The following CD109 variants were observed in gnomAD, a reference collection of about 807,000 sequenced individuals.
CD109 encodes CD109 molecule.
CD109 carries 149 observed loss-of-function variants against 165.8 expected under a neutral mutation model. The ratio of observed to expected loss-of-function variants is 0.90; its 90% CI spans 0.79 to 1.03. CD109 has a LOEUF of 1.03. Ranked by LOEUF, CD109 falls within the 50% of genes least tolerant of loss-of-function variation. The pLI is 0.00. For synonymous variants in CD109, 585 were observed against 592.1 expected (o/e 0.99, Z 0.18); for missense variants, 1,712 against 1,677.8 (o/e 1.02, Z -0.36).
chr6:73,792,491 C>T, intron 22 of CD109, 135 bp from the exon 23 acceptor site: 1 of 779,978 alleles, frequency 1.3e-6, no homozygotes, highest in East Asian at 2.5e-5. Flanking sequence ...AAAGTTCCAA[C>T]TCTGTTCCAA....
At chr6:73,786,830 A>G (rs765138427) in intron 20 of CD109, among the ~76,000 whole-genome samples, 2 of 152,204 alleles carry the variant, frequency 1.3e-5, no homozygotes, top group African/African-American at 4.8e-5. Context: ...ATTCAATAAC[A>G]TTTCATGCTG....
intron 2 of CD109, among the ~76,000 whole-genome samples, chr6:73,699,033 C>A (rs990618855): frequency 5.3e-5 from 8 of 152,140 alleles, no homozygotes; most frequent in African/African-American, 1.9e-4. Flanking sequence ...GAAGAGGATG[C>A]AGAAAGTCCA....
intron 24 of CD109, among the ~76,000 whole-genome samples, chr6:73,806,111 C>T (rs1562080768): frequency 1.3e-5 from 2 of 152,224 alleles, no homozygotes; most frequent in Admixed American, 1.3e-4. Context: ...TGGAACCAGC[C>T]CAAATGTCCA....
Position 73,781,248 on chromosome 6 carries a change from A to G in CD109, c.1903-11A>G. On this transcript the variant is annotated splice_polypyrimidine_tract_variant and intron_variant, in intron 16 of 32. Coordinates refer to ENST00000287097, the MANE Select transcript of CD109 (RefSeq NM_133493.5). ...TGTGTTTTAAAAGAAAATAAAAATT[A>G]TTCTTTTTAGGAATGTGGACTCTGG... 4 of 1,603,058 alleles carry G rather than the reference A, an allele frequency of 2.5e-6. No individual in the cohort carries two copies. The South Asian group carries it at 4.4e-5, about 18-fold the overall frequency.
At position 73,812,054 on chromosome 6, in the gene CD109, T is replaced by C. The variant is rs1409223272; in HGVS notation, c.3703-151T>C. 3 of 500,878 alleles carry C rather than the reference T, an allele frequency of 6.0e-6. No homozygotes were observed. The Admixed American group carries it at 1.1e-4, about 18-fold the overall frequency. 31.0% of individuals were successfully genotyped at this position (500,878 alleles called of 1,614,324 possible). On this transcript the variant is annotated intron_variant, in intron 28 of 32. Coordinates refer to ENST00000287097, the MANE Select transcript of CD109 (RefSeq NM_133493.5). ...TCACCTTGCTTACCTATTTGACCCA[T>C]AGCTTTTGATATGTGAGACAGTGCA...
At chr6:73,748,390 G>A (rs1773061353) in intron 5 of CD109, among the ~76,000 whole-genome samples, 1 of 152,124 alleles carries the variant, frequency 6.6e-6, no homozygotes, top group Admixed American at 6.6e-5. Flanking sequence ...CCTACACAGG[G>A]TCTTACCTGA....
At chr6:73,771,941 A>G (rs1415340476) in intron 15 of CD109, among the ~76,000 whole-genome samples, 4 of 152,206 alleles carry the variant, frequency 2.6e-5, no homozygotes, top group Non-Finnish European at 5.9e-5. Flanking sequence ...AAAAATGATC[A>G]GTATGTAGTA....
rs1265559016 is a variant in CD109, at chr6:73,826,502, A to G, written c.*2869A>G. ...AACCTAGTAGCCAAACAATTCTAGG[A>G]CAGAATAACATTTTTATATTTGGTT... On this transcript the variant is annotated 3_prime_UTR_variant, in exon 33 of 33. Transcript: ENST00000287097. The G allele has an allele frequency of 6.6e-6, 1 of 152,216 alleles. No individual in the cohort carries two copies. The highest frequency in any genetic ancestry group is 2.4e-5 in the African/African-American group (1 of 41,456). The allele number at this position is 152,216 out of a possible 1,614,324, so 9.4% of individuals were successfully genotyped here.
intron 30 of CD109, among the ~76,000 whole-genome samples, chr6:73,816,080 C>T (rs1775925243): frequency 6.6e-6 from 1 of 152,152 alleles, no homozygotes; most frequent in African/African-American, 2.4e-5. Context: ...ACAGCTATTG[C>T]CTGGACCCAG....
chr6:73,760,092 C>T (rs980277839), intron 7 of CD109, among the ~76,000 whole-genome samples: 2 of 152,010 alleles, frequency 1.3e-5, no homozygotes, highest in Non-Finnish European at 2.9e-5. Flanking sequence ...GAGATAGAAG[C>T]AACCCAGGAA....
chr6:73,736,601 G>GA (rs1772555600), intron 5 of CD109, 93 bp downstream of exon 5: 1 of 1,079,980 alleles, frequency 9.3e-7, no homozygotes, highest in Non-Finnish European at 1.3e-6. Flanking sequence ...ACAATGAAGA[G>GA]AAAAAAATTA....
rs1281269761 is a variant in CD109 at position 73,696,352 on chromosome 6, G to T, written c.74+63G>T. On this transcript the variant is annotated intron_variant, in intron 1 of 32. Transcript: ENST00000287097. The stretch of plus-strand genomic sequence containing the variant: ...GGGCCTGGGCCGCTCTGCGGCTCTG[G>T]GCCAGGGCTTCGGGGAGGTGGCGGC... 4.6e-6 allele frequency: 6 copies of T among 1,309,224 alleles called. No homozygotes were observed. The South Asian group carries it at 9.2e-5, about 20-fold the overall frequency. The allele number at this position is 1,309,224 out of a possible 1,614,324, so 81.1% of individuals were successfully genotyped here.
intron 5 of CD109, among the ~76,000 whole-genome samples, chr6:73,737,244 G>T (rs1237428202): frequency 6.6e-6 from 1 of 152,174 alleles, no homozygotes; most frequent in Admixed American, 6.5e-5. Context: ...ATCTAAAGGG[G>T]AAGATATGTA....
Position 73,697,439 on chromosome 6 carries a change from C to CG in CD109, c.116dup (p.Gly40ArgfsTer42). 1 of 1,614,072 alleles carries CG rather than the reference C, an allele frequency of 6.2e-7. No individual in the cohort carries two copies. The highest frequency in any genetic ancestry group is 8.5e-7 in the Non-Finnish European group (1 of 1,180,026). Reference sequence around the variant, plus strand: ...TGACAGCCCCAGGGATCATCAGGCCCGGAGGAAATGTGACTATTGGGGTGG... The same window carrying CG: ...TGACAGCCCCAGGGATCATCAGGCCCGGGAGGAAATGTGACTATTGGGGTGG... On this transcript the variant is annotated frameshift_variant, in exon 2 of 33. Transcript: ENST00000287097. LOFTEE classifies it high-confidence loss of function.
chr6:73,773,595 C>G (rs1774127271), intron 15 of CD109, among the ~76,000 whole-genome samples: 1 of 152,118 alleles, frequency 6.6e-6, no homozygotes, highest in Non-Finnish European at 1.5e-5. Flanking sequence ...TAGTTACAAA[C>G]TGTACCCATA....
chr6:73,762,517 A>T, intron 8 of CD109, 37 bp downstream of exon 8: 1 of 1,297,376 alleles, frequency 7.7e-7, no homozygotes, highest in Non-Finnish European at 1.1e-6. Context: ...TGTGATGGGT[A>T]AAATATGTGT....
At chr6:73,712,131 C>T (rs1022422269) in intron 2 of CD109, among the ~76,000 whole-genome samples, 1 of 152,144 alleles carries the variant, frequency 6.6e-6, no homozygotes, top group African/African-American at 2.4e-5. Context: ...ATTGCTTGAA[C>T]CTGGAAAGCG....
At chr6:73,812,566 T>C (rs1366385158) in intron 29 of CD109, among the ~76,000 whole-genome samples, 1 of 152,110 alleles carries the variant, frequency 6.6e-6, no homozygotes, top group African/African-American at 2.4e-5. Context: ...AAATACATGT[T>C]TTACTTATAA....
In CD109 at chr6:73,825,563, G is replaced by A. The variant is rs986427252; in HGVS notation, c.*1930G>A. The A allele has an allele frequency of 4.6e-5, 7 of 152,136 alleles. No individual in the cohort carries two copies. In the East Asian group the frequency reaches 1.2e-3, roughly 25 times the overall value. The allele number at this position is 152,136 out of a possible 1,614,324, so 9.4% of individuals were successfully genotyped here. ...AGTTAACTTCTAGTGTAATATATTA[G>A]GAAACACTAGAATGGAAAGGCCATT... On this transcript the variant is annotated 3_prime_UTR_variant, in exon 33 of 33. Transcript: ENST00000287097.
Sources: gnomAD v4.1 joint callset for allele counts (sites outside exome capture counted in the v4.1 genomes callset) on GRCh38, gnomAD v4.1.1 for gene constraint, MANE v1.5 for transcripts, NCBI Gene and HGNC (gene_info 2026-07-23, HGNC 2026-07-21) for gene names.